The following CPNE8 variants were observed in gnomAD, a reference collection of about 807,000 sequenced individuals.
CPNE8 encodes the protein copine 8.
A neutral mutation model predicts 81.5 loss-of-function variants in CPNE8; 45 were observed. The ratio of observed to expected loss-of-function variants is 0.55; its 90% confidence interval spans 0.44 to 0.71. The LOEUF (loss-of-function observed/expected upper bound fraction) is 0.71, where lower values mean the gene tolerates loss of function less well. Ranked by LOEUF, CPNE8 falls within the 30% of genes least tolerant of loss-of-function variation. The pLI, the probability that CPNE8 is intolerant of heterozygous loss-of-function variation, is 0.00. For synonymous variants in CPNE8, 252 were observed against 226.3 expected (o/e 1.11, Z -1.02); for missense variants, 594 against 672.1 (o/e 0.88, Z 1.28).
At chr12:38,685,394 A>G in intron 16 of CPNE8, 96 bp downstream of exon 16, 2 of 1,361,228 alleles carry the variant, frequency 1.5e-6, no homozygotes, top group East Asian at 4.9e-5. Context: ...ACTAGAAGAA[A>G]ACAACTTTCA....
intron 7 of CPNE8, 29 bp from the exon 8 acceptor site, chr12:38,767,767 A>G (rs746746385): frequency 1.5e-6 from 2 of 1,374,972 alleles, no homozygotes; most frequent in South Asian, 3.0e-5. Context: ...AAACAGTTCA[A>G]GATTTGGGCT....
intron 5 of CPNE8, among the ~76,000 whole-genome samples, chr12:38,836,920 T>C (rs1055415732): frequency 6.6e-6 from 1 of 152,190 alleles, no homozygotes; most frequent in African/African-American, 2.4e-5. Flanking sequence ...CTAACAGTTC[T>C]TATAACAATT....
chr12:38,742,711 T>TAAATAAATAAATAAATAAAA (rs59403727), intron 10 of CPNE8, among the ~76,000 whole-genome samples: 25 of 145,474 alleles, frequency 1.7e-4, no homozygotes, highest in Non-Finnish European at 2.4e-4. Context: ...AATAAATAAA[T>TAAATAAATAAATAAATAAAA]ATAAAACATA....
intron 1 of CPNE8, among the ~76,000 whole-genome samples, chr12:38,893,702 C>A (rs1201187118): frequency 6.6e-6 from 1 of 152,128 alleles, no homozygotes; most frequent in East Asian, 1.9e-4. Context: ...GGGTCGGGAG[C>A]CCTTTGCAGT....
chr12:38,796,197 G>A (rs1040948418), intron 6 of CPNE8, among the ~76,000 whole-genome samples: 33 of 152,128 alleles, frequency 2.2e-4, no homozygotes, highest in African/African-American at 7.0e-4. Flanking sequence ...TAAGGCAAAA[G>A]AAGCACTTGA....
At chr12:38,723,748 A>C (rs776503878) in intron 13 of CPNE8, 24 bp downstream of exon 13, 1 of 1,489,304 alleles carries the variant, frequency 6.7e-7, no homozygotes. Flanking sequence ...CTAAGCAACG[A>C]AACAATTTGA....
intron 19 of CPNE8, among the ~76,000 whole-genome samples, chr12:38,658,887 C>T (rs1020719416): frequency 2.6e-5 from 4 of 152,156 alleles, no homozygotes; most frequent in Admixed American, 1.3e-4. Context: ...CTTACAAGAG[C>T]TCCTGAAGGA....
At chr12:38,847,878 T>G (rs1943582893) in intron 4 of CPNE8, among the ~76,000 whole-genome samples, 1 of 152,166 alleles carries the variant, frequency 6.6e-6, no homozygotes, top group African/African-American at 2.4e-5. Flanking sequence ...GAATTTCCTT[T>G]AATTATTTTC....
At chr12:38,734,489 C>T (rs898758891) in intron 10 of CPNE8, among the ~76,000 whole-genome samples, 15 of 151,970 alleles carry the variant, frequency 9.9e-5, no homozygotes, top group Non-Finnish European at 1.9e-4. Flanking sequence ...TGAAGATTTT[C>T]CTGAAGGCCA....
chr12:38,666,511 G>A (rs1939059009), intron 19 of CPNE8, among the ~76,000 whole-genome samples: 1 of 152,180 alleles, frequency 6.6e-6, no homozygotes, highest in Non-Finnish European at 1.5e-5. Context: ...GGTCTTTGGA[G>A]AGGGCTGTGT....
At chr12:38,771,298 CAAAA>C (rs56772312) in intron 7 of CPNE8, among the ~76,000 whole-genome samples, 7 of 131,422 alleles carry the variant, frequency 5.3e-5, no homozygotes, top group African/African-American at 1.9e-4. Context: ...ACATCTCTAT[CAAAA>C]AAAAAAAAAA....
At chr12:38,799,876 G>A (rs556872515) in intron 6 of CPNE8, among the ~76,000 whole-genome samples, 80 of 151,806 alleles carry the variant, frequency 5.3e-4, no homozygotes, top group South Asian at 4.0e-3. Context: ...TTCCCTTTCC[G>A]AGTCAAAGAA....
At chr12:38,792,194 C>A (rs532232400) in intron 6 of CPNE8, among the ~76,000 whole-genome samples, 2 of 151,020 alleles carry the variant, frequency 1.3e-5, no homozygotes, top group South Asian at 4.2e-4. Context: ...ACAAGAAAAA[C>A]CTAAACCCAA....
At chr12:38,683,751 G>GT (rs1939464518) in intron 16 of CPNE8, among the ~76,000 whole-genome samples, 1 of 151,940 alleles carries the variant, frequency 6.6e-6, no homozygotes, top group South Asian at 2.1e-4. Context: ...ATCTCTTACT[G>GT]TTTTTCTTAA....
chr12:38,685,680 T>C, intron 15 of CPNE8, 63 bp from the exon 16 acceptor site: 2 of 1,547,048 alleles, frequency 1.3e-6, no homozygotes, highest in Non-Finnish European at 1.8e-6. Context: ...TCCATGAAGA[T>C]CAATTGAAAG....
At chr12:38,844,423 A>G (rs1943520491) in intron 4 of CPNE8, among the ~76,000 whole-genome samples, 1 of 152,194 alleles carries the variant, frequency 6.6e-6, no homozygotes. Flanking sequence ...CATCAGTGTG[A>G]TAATTATAAT....
In CPNE8 at chr12:38,798,353, C is replaced by A. The variant is rs7953319; in HGVS notation, c.408-22052G>T. Among the ~76,000 whole-genome samples the A allele has an allele frequency of 2.0e-4, 30 of 152,110 alleles. 1 individual carries two copies. The highest frequency in any genetic ancestry group is 7.2e-4 in the Admixed American group (11 of 15,272). On this transcript the variant is annotated intron_variant, in intron 6 of 19. Transcript: ENST00000331366. The stretch of plus-strand genomic sequence containing the variant: ...CCATCACACTAACAGCTGATCTCTC[C>A]GCAGAAACTCTACAAGCCAGAAGAC...
intron 10 of CPNE8, among the ~76,000 whole-genome samples, chr12:38,733,562 C>T (rs1940885454): frequency 6.6e-6 from 1 of 151,488 alleles, no homozygotes; most frequent in Admixed American, 6.7e-5. Flanking sequence ...ATAATTATAA[C>T]TAAAATAATT....
At chr12:38,871,822 G>C (rs1943996540) in intron 3 of CPNE8, among the ~76,000 whole-genome samples, 1 of 152,128 alleles carries the variant, frequency 6.6e-6, no homozygotes, top group African/African-American at 2.4e-5. Context: ...GATATACAGA[G>C]TTTGAGGTAG....
Sources: gnomAD v4.1 joint callset for allele counts (sites outside exome capture counted in the v4.1 genomes callset) on GRCh38, gnomAD v4.1.1 for gene constraint, MANE v1.5 for transcripts, NCBI Gene and HGNC (gene_info 2026-07-23, HGNC 2026-07-21) for gene names.